CASP1: variants seen among roughly 807,000 people sequenced by gnomAD.
CASP1 encodes the protein caspase 1.
CASP1 carries 31 observed loss-of-function variants against 41.2 expected under a neutral mutation model. The observed-to-expected ratio is 0.75, with a 90% CI of 0.57 to 1.02. The LOEUF (loss-of-function observed/expected upper bound fraction) is 1.02, where lower values mean the gene tolerates loss of function less well. Ranked by LOEUF, CASP1 falls within the 50% of genes least tolerant of loss-of-function variation. CASP1 has a pLI of 0.00. For synonymous variants in CASP1, 163 were observed against 166.5 expected (o/e 0.98, Z 0.16); for missense variants, 490 against 495.7 (o/e 0.99, Z 0.11).
At position 105,026,329 on chromosome 11, in the gene CASP1, C is replaced by T; in HGVS notation, c.1144G>A (p.Gly382Ser). ...TCAGTGGTGGGCATCTGCGCTCTACCATCTGGCTGCTCAAATGAAAATCGA... is the reference window on the plus strand; with the variant it reads ...TCAGTGGTGGGCATCTGCGCTCTACTATCTGGCTGCTCAAATGAAAATCGA... Reference protein sequence around the residue: ...KVRFSFEQPDGRAQMPTTERV... With the variant: ...KVRFSFEQPDSRAQMPTTERV... Residue 382 changes from glycine to serine, a missense_variant, in exon 9 of 9, where the codon GGT becomes AGT. Gly to Ser is a moderately conservative substitution (Grantham distance 56, BLOSUM62 0). Coordinates refer to ENST00000533400, the MANE Select transcript of CASP1 (RefSeq NM_001257118.3). 6.2e-7 allele frequency: 1 copy of T among 1,611,292 alleles called. No individual in the cohort carries two copies. Among genetic ancestry groups the T allele is most frequent in the Non-Finnish European group, 8.5e-7 (1 of 1,178,050 alleles).
In CASP1 at chr11:105,035,026, A is replaced by T. The variant is rs112582828; in HGVS notation, c.7+81T>A. 3.7e-4 allele frequency: 588 copies of T among 1,570,390 alleles called. 4 individuals are homozygous for T. The African/African-American group carries it at 5.9e-3, about 16-fold the overall frequency. ...ACTCAAGTAAACTTCCACAGATGCT[A>T]ATTATGGCTTCCAGAAGAGCCAGCC... is the stretch of plus-strand genomic sequence containing the variant. On this transcript the variant is annotated intron_variant, in intron 1 of 8. Coordinates refer to ENST00000533400, the MANE Select transcript of CASP1 (RefSeq NM_001257118.3).
At chr11:105,030,609 A>T (rs1344511694) in intron 4 of CASP1, 106 bp from the exon 5 acceptor site, 1 of 867,580 alleles carries the variant, frequency 1.2e-6, no homozygotes, top group Non-Finnish European at 1.8e-6. Flanking sequence ...AAGATACCAA[A>T]CCCCATGAAC....
chr11:105,029,840 G>T lies in CASP1; in HGVS notation c.687C>A (p.Ser229Arg). Residue 229 changes from serine to arginine, a missense_variant, in exon 6 of 9, where the codon AGC (serine) becomes AGA (arginine). Ser to Arg is a moderately radical substitution (Grantham distance 110). Transcript: ENST00000533400. ...CATGAGACATGAACACCAGGAACGT[G>T]CTGTCAGAGGTCTTGTGCTCTGGGC... Reference protein sequence around the residue: ...AHRPEHKTSDSTFLVFMSHGI... With the variant: ...AHRPEHKTSDRTFLVFMSHGI... 6.2e-7 allele frequency: 1 copy of T among 1,613,800 alleles called. No individual in the cohort carries two copies. The highest frequency in any genetic ancestry group is 8.5e-7 in the Non-Finnish European group (1 of 1,179,774).
chr11:105,027,849 G>A (rs1863416446), intron 7 of CASP1, among the ~76,000 whole-genome samples: 6 of 152,110 alleles, frequency 3.9e-5, no homozygotes, highest in Admixed American at 3.9e-4. Context: ...TCACTATGAT[G>A]TGGTTGGGAT....
intron 8 of CASP1, chr11:105,026,577 G>A (rs1277471056): frequency 3.3e-6 from 2 of 600,694 alleles, no homozygotes; most frequent in African/African-American, 3.7e-5. Flanking sequence ...AGCCATGAGA[G>A]ACACAGGTAA....
chr11:105,035,261 G>T, upstream of CASP1: 1 of 1,106,142 alleles, frequency 9.0e-7, no homozygotes, highest in Non-Finnish European at 1.4e-6. Context: ...AATCAGAACT[G>T]TAGCCTGCAT....
upstream of CASP1, chr11:105,035,364 A>G (rs116982264): frequency 8.0e-5 from 42 of 523,778 alleles, no homozygotes; most frequent in East Asian, 8.0e-4. Flanking sequence ...ACAGGATTGA[A>G]AAAGTATGTG....
rs1241313993 is a variant in CASP1, at chr11:105,026,311, T to G, written c.1162A>C (p.Thr388Pro). Residue 388 changes from threonine to proline, a missense_variant, in exon 9 of 9, where the codon ACC (threonine) becomes CCC (proline). Coordinates refer to ENST00000533400, the MANE Select transcript of CASP1 (RefSeq NM_001257118.3). ...CTTGTCAAAGTCACTCTTTCAGTGG[T>G]GGGCATCTGCGCTCTACCATCTGGC... ...EQPDGRAQMP[T>P]TERVTLTRCF... 6.2e-7 allele frequency: 1 copy of G among 1,612,362 alleles called. No homozygotes were observed. Among genetic ancestry groups the G allele is most frequent in the Non-Finnish European group, 8.5e-7 (1 of 1,178,852 alleles).
Position 105,031,204 on chromosome 11 carries a change from TAGG to T in CASP1, c.411_413del (p.Leu138del). On this transcript the variant is annotated inframe_deletion, in exon 4 of 9. Transcript: ENST00000533400. ...GTTTCCATATCCTTTGAGCTTCTTC[TAGG>T]GAGCAAAGCTTGACATTCCCTTCTG... 6.2e-7 allele frequency: 1 copy of T among 1,612,836 alleles called. No homozygotes were observed. The highest frequency in any genetic ancestry group is 1.1e-5 in the South Asian group (1 of 91,054).
At chr11:105,030,040 G>T in intron 5 of CASP1, 141 bp from the exon 6 acceptor site, 1 of 700,354 alleles carries the variant, frequency 1.4e-6, no homozygotes, top group Non-Finnish European at 2.4e-6. Context: ...TTTAGTCTTA[G>T]TTTCAAGAAA....
chr11:105,035,719 G>A (rs547395150), upstream of CASP1, among the ~76,000 whole-genome samples: 3 of 141,098 alleles, frequency 2.1e-5, no homozygotes, highest in Non-Finnish European at 4.5e-5. Flanking sequence ...AGGCTCAGAT[G>A]ATTCTTCCAA....
intron 5 of CASP1, 65 bp downstream of exon 5, chr11:105,030,265 C>A (rs1432747377): frequency 1.5e-6 from 2 of 1,365,648 alleles, no homozygotes; most frequent in Non-Finnish European, 2.0e-6. Flanking sequence ...TACAACCAAG[C>A]TTTCTAATAT....
At position 105,031,258 on chromosome 11, in the gene CASP1, G is replaced by C; in HGVS notation, c.360C>G (p.Asn120Lys). 1 of 1,610,154 alleles carries C rather than the reference G, an allele frequency of 6.2e-7. No homozygotes were observed. The highest frequency in any genetic ancestry group is 8.5e-7 in the Non-Finnish European group (1 of 1,176,674). The change falls in exon 4 of 9, where the codon AAC becomes AAG. Residue 120 changes from asparagine to lysine, a missense_variant. Coordinates refer to ENST00000533400, the MANE Select transcript of CASP1 (RefSeq NM_001257118.3). ...SFPAPQAVQD[N>K]PAMPTSSGSE... ...AGCCTGAGGATGTGGGCATAGCTGG[G>C]TTGTCCTGCACTGCCTGAGGAGCTG...
intron 7 of CASP1, among the ~76,000 whole-genome samples, chr11:105,027,623 C>T (rs1863397237): frequency 6.6e-6 from 1 of 152,034 alleles, no homozygotes; most frequent in Non-Finnish European, 1.5e-5. Flanking sequence ...ATGACAGACA[C>T]ATTCTTTAAT....
chr11:105,031,780 T>C (rs1048155653), intron 3 of CASP1, among the ~76,000 whole-genome samples: 6 of 152,176 alleles, frequency 3.9e-5, no homozygotes, highest in Admixed American at 3.9e-4. Flanking sequence ...TAATGAATCT[T>C]TGTCCTGTCC....
At position 105,026,195 on chromosome 11, in the gene CASP1, C is replaced by T; in HGVS notation, c.*63G>A. On this transcript the variant is annotated 3_prime_UTR_variant, in exon 9 of 9. Coordinates refer to ENST00000533400, the MANE Select transcript of CASP1 (RefSeq NM_001257118.3). ...TGGACTTTCAGTACCCTTTCCTCAACCTTCCCACACTCCCGACCATACACA... is the reference window on the plus strand; with the variant it reads ...TGGACTTTCAGTACCCTTTCCTCAATCTTCCCACACTCCCGACCATACACA... 2.8e-6 allele frequency: 3 copies of T among 1,069,320 alleles called. 1 individual carries two copies. Among genetic ancestry groups the T allele is most frequent in the South Asian group, 2.6e-5 (2 of 76,356 alleles). 66.2% of individuals were successfully genotyped at this position (1,069,320 alleles called of 1,614,324 possible).
upstream of CASP1, among the ~76,000 whole-genome samples, chr11:105,035,616 C>CTTTTTTTTTTTTTTTTTTTTTTTTTT (rs770202897): frequency 1.9e-4 from 10 of 52,078 alleles, no homozygotes; most frequent in Non-Finnish European, 3.2e-4. Flanking sequence ...TTTTTTCTTT[C>CTTTTTTTTTTTTTTTTTTTTTTTTTT]TGTTTTTTTT....
chr11:105,035,220 A>G (rs1863955806), upstream of CASP1: 2 of 1,384,268 alleles, frequency 1.4e-6, no homozygotes, highest in African/African-American at 1.4e-5. Context: ...GTGCATGCAT[A>G]TGCATGTCTT....
At chr11:105,031,067 G>A in intron 4 of CASP1, 98 bp downstream of exon 4, 1 of 717,348 alleles carries the variant, frequency 1.4e-6, no homozygotes, top group Non-Finnish European at 2.6e-6. Context: ...CTCCAGAACT[G>A]CTCAATGAGG....
Sources: gnomAD v4.1 joint callset for allele counts (sites outside exome capture counted in the v4.1 genomes callset) on GRCh38, gnomAD v4.1.1 for gene constraint, MANE v1.5 for transcripts, NCBI Gene and HGNC (gene_info 2026-07-23, HGNC 2026-07-21) for gene names.